ARHGAP42: variants seen among roughly 807,000 people sequenced by gnomAD.
The protein encoded by ARHGAP42 is Rho GTPase activating protein 42.
ARHGAP42 carries 63 observed loss-of-function variants against 125.0 expected under a neutral mutation model. That is an observed-to-expected ratio of 0.50 (90% CI 0.41 to 0.62). The LOEUF is 0.62. Among genes scored for constraint, ARHGAP42 ranks in the 20% least tolerant of loss-of-function variants. The pLI is 0.00. For missense variants in ARHGAP42, 766 were observed against 1,024.2 expected, an observed-to-expected ratio of 0.75 and a Z score of 3.44; for synonymous variants, 339 against 351.0, an observed-to-expected ratio of 0.97 and a Z score of 0.38.
chr11:100,731,595 A>G (rs1236935701), intron 1 of ARHGAP42, among the ~76,000 whole-genome samples: 2 of 152,232 alleles, frequency 1.3e-5, no homozygotes, highest in African/African-American at 4.8e-5. Context: ...TGGGTTCTTT[A>G]AATAGATAAG....
At chr11:100,763,683 T>C (rs1862762867) in intron 1 of ARHGAP42, among the ~76,000 whole-genome samples, 1 of 151,942 alleles carries the variant, frequency 6.6e-6, no homozygotes, top group Admixed American at 6.6e-5. Context: ...AGAGATGGGG[T>C]TTCCCCATGT....
At chr11:100,900,177 G>T (rs1866503076) in intron 4 of ARHGAP42, among the ~76,000 whole-genome samples, 1 of 152,050 alleles carries the variant, frequency 6.6e-6, no homozygotes, top group Non-Finnish European at 1.5e-5. Flanking sequence ...ATTTAGTTTG[G>T]CTGGATATGA....
At chr11:100,836,644 G>T (rs2135103125) in intron 3 of ARHGAP42, among the ~76,000 whole-genome samples, 1 of 150,840 alleles carries the variant, frequency 6.6e-6, no homozygotes, top group African/African-American at 2.4e-5. Context: ...TTTGTTGTTT[G>T]CTGAAGAGTG....
chr11:100,845,026 G>A (rs1865028639), intron 3 of ARHGAP42, among the ~76,000 whole-genome samples: 2 of 151,908 alleles, frequency 1.3e-5, no homozygotes, highest in South Asian at 2.1e-4. Context: ...TTGCAAAAAC[G>A]TGGATACAAC....
chr11:100,777,356 A>T (rs1379993708), intron 2 of ARHGAP42, among the ~76,000 whole-genome samples: 1 of 152,230 alleles, frequency 6.6e-6, no homozygotes, highest in African/African-American at 2.4e-5. Flanking sequence ...ATCTGTAGAT[A>T]GAAGCCTGAG....
At chr11:100,891,167 CAT>C (rs1486979178) in intron 4 of ARHGAP42, among the ~76,000 whole-genome samples, 16 of 152,264 alleles carry the variant, frequency 1.1e-4, no homozygotes. Context: ...GGGTTTCAAA[CAT>C]ATGTTTCATA....
At position 100,989,069 on chromosome 11, in the gene ARHGAP42, C is replaced by G. The variant is rs576245577; in HGVS notation, c.*268C>G. On this transcript the variant is annotated 3_prime_UTR_variant, in exon 24 of 24. Transcript: ENST00000298815. ...GATAATATGTAACTCTCCACAATGT[C>G]GCTTCCGTAGCAATTGTAGAGTTTC... is the stretch of plus-strand genomic sequence containing the variant. 2.2e-6 allele frequency: 1 copy of G among 455,138 alleles called. No individual in the cohort carries two copies. Among genetic ancestry groups the G allele is most frequent in the South Asian group, 6.4e-5 (1 of 15,636 alleles). The allele number at this position is 455,138 out of a possible 1,614,324, so 28.2% of individuals were successfully genotyped here.
chr11:100,743,048 G>A (rs1324201764), intron 1 of ARHGAP42, among the ~76,000 whole-genome samples: 1 of 150,784 alleles, frequency 6.6e-6, no homozygotes, highest in Non-Finnish European at 1.5e-5. Context: ...TTTAAGTGGA[G>A]CATTTAGGCC....
chr11:100,874,270 A>G (rs1865760736), intron 4 of ARHGAP42, among the ~76,000 whole-genome samples: 1 of 152,188 alleles, frequency 6.6e-6, no homozygotes, highest in Admixed American at 6.5e-5. Context: ...CCTAGTCCCA[A>G]TAGACAGCAC....
intron 4 of ARHGAP42, among the ~76,000 whole-genome samples, chr11:100,898,789 C>T (rs1236979292): frequency 2.0e-5 from 3 of 152,094 alleles, no homozygotes; most frequent in African/African-American, 7.2e-5. Context: ...TTTCAAAAAA[C>T]CAGCTCCTGG....
In ARHGAP42 at chr11:100,780,825, G is replaced by A. The variant is rs144493213; in HGVS notation, c.250+10387G>A. On this transcript the variant is annotated intron_variant, in intron 2 of 23. Transcript: ENST00000298815. The stretch of plus-strand genomic sequence containing the variant: ...ACACCAACATTAAACAACCAAAGAC[G>A]TGAAGTCACAATTGTTTTGAATCGT... Among the ~76,000 whole-genome samples, 13 of 152,320 alleles carry A rather than the reference G, an allele frequency of 8.5e-5. No individual in the cohort carries two copies. The East Asian group carries it at 1.7e-3, about 20-fold the overall frequency.
chr11:100,976,685 T>A (rs541284413), intron 20 of ARHGAP42, 130 bp from the exon 21 acceptor site: 1 of 1,222,750 alleles, frequency 8.2e-7, no homozygotes, highest in African/African-American at 1.5e-5. Context: ...GTTGCTGTAC[T>A]CAAAGAACAT....
intron 4 of ARHGAP42, among the ~76,000 whole-genome samples, chr11:100,872,793 C>A (rs1658248842): frequency 6.6e-6 from 1 of 152,168 alleles, no homozygotes; most frequent in African/African-American, 2.4e-5. Context: ...TCATCTGTCT[C>A]ATGTTGTCAC....
chr11:100,899,674 TG>T (rs370020701), intron 4 of ARHGAP42, among the ~76,000 whole-genome samples: 39,929 of 143,250 alleles, frequency 0.28, 6,766 homozygotes, highest in East Asian at 0.8. Context: ...CCCTGCTTTT[TG>T]TTTGTTTGTT....
intron 3 of ARHGAP42, among the ~76,000 whole-genome samples, chr11:100,843,542 A>G (rs1264561332): frequency 6.6e-6 from 1 of 152,132 alleles, no homozygotes; most frequent in East Asian, 1.9e-4. Context: ...ATGATTGTAT[A>G]CCTAGAAAAC....
At chr11:100,956,612 A>G (rs1206831056) in intron 12 of ARHGAP42, among the ~76,000 whole-genome samples, 1 of 152,052 alleles carries the variant, frequency 6.6e-6, no homozygotes, top group African/African-American at 2.4e-5. Context: ...ATCTTCTTGC[A>G]GGGAGGGACA....
chr11:100,804,897 A>C (rs1369787924), intron 3 of ARHGAP42, among the ~76,000 whole-genome samples: 2 of 152,240 alleles, frequency 1.3e-5, no homozygotes, highest in Non-Finnish European at 2.9e-5. Flanking sequence ...TGAAGAATCT[A>C]TTAGTGGTGG....
chr11:100,792,764 T>C lies in ARHGAP42; in HGVS notation c.251-2341T>C, dbSNP rs1863595867. Among the ~76,000 whole-genome samples the C allele has an allele frequency of 1.2e-4, 13 of 106,754 alleles. No individual in the cohort carries two copies. The South Asian group carries it at 4.5e-3, about 37-fold the overall frequency. The allele number at this position is 106,754 out of a possible 152,430, so 70.0% of individuals were successfully genotyped here. On this transcript the variant is annotated intron_variant, in intron 2 of 23. Transcript: ENST00000298815. ...GACTTGGAATTTTCTTTTTTTTTTTTTTTTTTGAGACCGAGTCTCTCTCTG... is the reference window on the plus strand; with the variant it reads ...GACTTGGAATTTTCTTTTTTTTTTTCTTTTTTGAGACCGAGTCTCTCTCTG...
intron 22 of ARHGAP42, among the ~76,000 whole-genome samples, chr11:100,985,376 T>G (rs1337277597): frequency 1.3e-5 from 2 of 152,144 alleles, no homozygotes; most frequent in Non-Finnish European, 2.9e-5. Context: ...AATATTTCCT[T>G]TTTTTTAGGA....
Sources: allele counts gnomAD v4.1 joint callset (sites outside exome capture counted in the v4.1 genomes callset), GRCh38; gene constraint gnomAD v4.1.1; transcripts MANE v1.5; gene names NCBI Gene and HGNC (gene_info 2026-07-23, HGNC 2026-07-21).